The following SLC9A6 variants were observed in gnomAD, a reference collection of about 807,000 sequenced individuals.
The protein encoded by SLC9A6 is sodium/hydrogen exchanger 6.
A neutral mutation model predicts 45.3 loss-of-function variants in SLC9A6; 6 were observed. That is an observed-to-expected ratio of 0.13 (90% CI 0.07 to 0.26). The LOEUF is 0.26. Among genes scored for constraint, SLC9A6 ranks in the 10% least tolerant of loss-of-function variants. The pLI is 1.00. For missense variants in SLC9A6, 278 were observed against 503.7 expected, an observed-to-expected ratio of 0.55 and a Z score of 4.29; for synonymous variants, 191 against 187.7, an observed-to-expected ratio of 1.02 and a Z score of -0.14.
chrX:135,996,920 C>T (rs1264874983), intron 3 of SLC9A6, among the ~76,000 whole-genome samples: 3 of 109,761 alleles, frequency 2.7e-5, no homozygotes, highest in African/African-American at 6.6e-5. Context: ...GCGCCCGCCA[C>T]CACGCCCGGC....
At chrX:135,988,495 T>G (rs2089376900) in intron 2 of SLC9A6, among the ~76,000 whole-genome samples, 1 of 108,221 alleles carries the variant, frequency 9.2e-6, no homozygotes, top group Non-Finnish European at 1.9e-5. Flanking sequence ...CTTTCTTTCT[T>G]TCTTTTCTTT....
At chrX:136,036,101 C>G (rs1250176874) in intron 16 of SLC9A6, among the ~76,000 whole-genome samples, 1 of 110,936 alleles carries the variant, frequency 9.0e-6, no homozygotes, top group Admixed American at 9.6e-5. Flanking sequence ...AACCAGTTTT[C>G]CAGAGTGATT....
At chrX:135,996,023 CTTTT>C (rs1167208674) in intron 3 of SLC9A6, among the ~76,000 whole-genome samples, 1 of 55,348 alleles carries the variant, frequency 1.8e-5, no homozygotes, top group Non-Finnish European at 3.3e-5. Flanking sequence ...CAGGACTTGA[CTTTT>C]TTTTTTTTTT....
rs1556620931 is a variant in SLC9A6 at position 136,030,116 on chromosome X, T to C, written c.1551-16T>C. On this transcript the variant is annotated splice_polypyrimidine_tract_variant and intron_variant, in intron 14 of 17. Coordinates refer to ENST00000630721, the MANE Select transcript of SLC9A6 (RefSeq NM_001379110.1). ...TGGCTTCAAAATCTCATTTGCTCTT[T>C]GTCTTTCTCCTTTAGGGTTGGTGTT... The C allele has an allele frequency of 8.3e-7, 1 of 1,210,368 alleles. No individual in the cohort carries two copies. Among genetic ancestry groups the C allele is most frequent in the Admixed American group, 2.2e-5 (1 of 46,122 alleles).
intron 3 of SLC9A6, among the ~76,000 whole-genome samples, chrX:135,997,135 G>T (rs1292312854): frequency 1.8e-5 from 2 of 109,708 alleles, no homozygotes; most frequent in African/African-American, 6.6e-5. Context: ...CACAATCTCG[G>T]CTCCTCCGCC....
intron 3 of SLC9A6, 139 bp downstream of exon 3, chrX:135,995,124 A>G (rs782608294): frequency 2.2e-6 from 1 of 458,459 alleles, no homozygotes; most frequent in Non-Finnish European, 3.8e-6. Context: ...TCAATTAACA[A>G]ATGTAATAAT....
intron 6 of SLC9A6, 125 bp downstream of exon 6, chrX:135,999,093 C>T: frequency 4.1e-6 from 2 of 492,368 alleles, no homozygotes; most frequent in Non-Finnish European, 7.1e-6. Flanking sequence ...ACTATACTTT[C>T]TAATTGTGGA....
upstream of SLC9A6, among the ~76,000 whole-genome samples, chrX:135,984,783 T>C (rs1223867397): frequency 2.7e-5 from 3 of 111,687 alleles, no homozygotes; most frequent in African/African-American, 9.8e-5. Flanking sequence ...GGGAAGTGTT[T>C]ACGAGCATTG....
intron 1 of SLC9A6, among the ~76,000 whole-genome samples, chrX:135,978,651 C>CAAAA (rs201997429): frequency 1.2e-5 from 1 of 81,103 alleles, no homozygotes. Flanking sequence ...GACTCCATCT[C>CAAAA]AAAAAAAAAA....
At chrX:136,023,611 G>T (rs1248849641) in intron 12 of SLC9A6, among the ~76,000 whole-genome samples, 4 of 110,298 alleles carry the variant, frequency 3.6e-5, no homozygotes, top group East Asian at 2.9e-4. Context: ...TAGCGATGGG[G>T]AATGCATCAG....
chrX:136,007,092 C>T (rs2089669752), intron 7 of SLC9A6, among the ~76,000 whole-genome samples: 1 of 111,160 alleles, frequency 9.0e-6, no homozygotes, highest in Non-Finnish European at 1.9e-5. Flanking sequence ...GTCTCGAACT[C>T]CCAACCTCAG....
Position 136,033,643 on chromosome X carries a change from G to A in SLC9A6, c.1661+150G>A, listed in dbSNP as rs891892951. The A allele has an allele frequency of 1.3e-4, 41 of 326,708 alleles. No homozygotes were observed. In the East Asian group the frequency reaches 2.7e-3, roughly 22 times the overall value. 26.9% of individuals were successfully genotyped at this position (326,708 alleles called of 1,213,427 possible). A position where few individuals can be genotyped will look rare whatever the true frequency, so the allele number is the denominator to read the frequency against. On this transcript the variant is annotated intron_variant, in intron 16 of 17. Transcript: ENST00000630721. Reference sequence around the variant, plus strand: ...TTTCCCCATCAGTGCTGTGGAAAAGGAAACCCACACAGACAGATTCCTCTT... The same window carrying A: ...TTTCCCCATCAGTGCTGTGGAAAAGAAAACCCACACAGACAGATTCCTCTT...
chrX:136,023,443 A>G (rs1258283276), intron 12 of SLC9A6, among the ~76,000 whole-genome samples: 1 of 107,114 alleles, frequency 9.3e-6, no homozygotes, highest in Non-Finnish European at 1.9e-5. Context: ...TGATACATCC[A>G]TGCTATGGAA....
intron 11 of SLC9A6, among the ~76,000 whole-genome samples, chrX:136,019,660 T>TA (rs2071086571): frequency 8.9e-6 from 1 of 112,714 alleles, no homozygotes; most frequent in Non-Finnish European, 1.9e-5. Context: ...ATTGTGAAGA[T>TA]AATACAGAAA....
intron 11 of SLC9A6, among the ~76,000 whole-genome samples, chrX:136,022,145 CTCT>C (rs1233828065): frequency 9.0e-6 from 1 of 111,353 alleles, no homozygotes; most frequent in Non-Finnish European, 1.9e-5. Flanking sequence ...CTCAGTATTA[CTCT>C]TCTTCCTACC....
intron 3 of SLC9A6, 95 bp from the exon 4 acceptor site, chrX:135,998,013 A>G (rs781805882): frequency 1.9e-6 from 1 of 530,803 alleles, no homozygotes; most frequent in African/African-American, 2.3e-5. Context: ...GCCTTTGACT[A>G]GTTTAACATA....
chrX:135,975,691 C>T (rs782692659), intron 1 of SLC9A6, among the ~76,000 whole-genome samples: 2 of 112,116 alleles, frequency 1.8e-5, no homozygotes, highest in Admixed American at 9.5e-5. Flanking sequence ...ACAGAGAGTC[C>T]TTCCAATCTT....
chrX:136,018,358 A>C (rs2071060122), intron 11 of SLC9A6, among the ~76,000 whole-genome samples: 1 of 111,993 alleles, frequency 8.9e-6, no homozygotes, highest in Admixed American at 9.5e-5. Flanking sequence ...CAGTAGAACC[A>C]ATCTGCCCCA....
At chrX:136,041,482 C>T (rs1448601925) in intron 17 of SLC9A6, among the ~76,000 whole-genome samples, 1 of 111,806 alleles carries the variant, frequency 8.9e-6, no homozygotes, top group Non-Finnish European at 1.9e-5. Context: ...TGAGATGGGG[C>T]ACACACCCCA....
Sources: gnomAD v4.1 joint callset for allele counts (sites outside exome capture counted in the v4.1 genomes callset) on GRCh38, gnomAD v4.1.1 for gene constraint, MANE v1.5 for transcripts, NCBI Gene and HGNC (gene_info 2026-07-23, HGNC 2026-07-21) for gene names.